ZEB1: variants seen among roughly 807,000 people sequenced by gnomAD.
The protein encoded by ZEB1 is zinc finger E-box binding homeobox 1, also known as zinc finger E-box-binding homeobox 1.
In ZEB1, 21 loss-of-function variants were observed where a neutral mutation model predicts 84.9. That is an observed-to-expected ratio of 0.25 (90% CI 0.18 to 0.36). The LOEUF (loss-of-function observed/expected upper bound fraction) is 0.36, where lower values mean the gene tolerates loss of function less well. Among genes scored for constraint, ZEB1 ranks in the 10% least tolerant of loss-of-function variants. ZEB1 has a pLI of 1.00. For synonymous variants in ZEB1, 420 were observed against 471.1 expected (o/e 0.89, Z 1.41); for missense variants, 1,104 against 1,330.2 (o/e 0.83, Z 2.65).
At chr10:31,396,634 T>C (rs1175359244) in intron 1 of ZEB1, among the ~76,000 whole-genome samples, 1 of 152,128 alleles carries the variant, frequency 6.6e-6, no homozygotes, top group East Asian at 1.9e-4. Flanking sequence ...AAAAGCTTCA[T>C]TAAGGAAGTT....
At chr10:31,362,469 C>T (rs2043424937) in intron 1 of ZEB1, among the ~76,000 whole-genome samples, 1 of 150,762 alleles carries the variant, frequency 6.6e-6, no homozygotes, top group East Asian at 2.0e-4. Flanking sequence ...AGGCGCTCCT[C>T]ACTTCCCAGA....
intron 1 of ZEB1, chr10:31,319,573 C>G: frequency 1.0e-5 from 4 of 399,782 alleles, no homozygotes; most frequent in East Asian, 4.4e-5. Context: ...GACCGTTAGC[C>G]GGCGCCGACG....
chr10:31,427,838 A>G (rs542563266), intron 1 of ZEB1, among the ~76,000 whole-genome samples: 3 of 151,472 alleles, frequency 2.0e-5, no homozygotes, highest in East Asian at 3.9e-4. Flanking sequence ...CAGCCTGGGC[A>G]ACTGAGCAAG....
At chr10:31,331,994 GTTTC>G (rs2036895863) in intron 1 of ZEB1, among the ~76,000 whole-genome samples, 1 of 152,184 alleles carries the variant, frequency 6.6e-6, no homozygotes, top group Admixed American at 6.5e-5. Context: ...ATAATATTAT[GTTTC>G]TTTATATACT....
At chr10:31,396,207 T>G (rs1482033075) in intron 1 of ZEB1, among the ~76,000 whole-genome samples, 3 of 152,240 alleles carry the variant, frequency 2.0e-5, no homozygotes, top group African/African-American at 7.2e-5. Flanking sequence ...AATTCATTTA[T>G]TTAATAATTA....
At chr10:31,473,379 A>G (rs2063565210) in intron 2 of ZEB1, among the ~76,000 whole-genome samples, 1 of 151,444 alleles carries the variant, frequency 6.6e-6, no homozygotes. Context: ...TACAAAATCA[A>G]TGTACAAAAA....
intron 3 of ZEB1, among the ~76,000 whole-genome samples, chr10:31,501,423 A>G (rs1375747052): frequency 1.3e-5 from 2 of 152,266 alleles, no homozygotes; most frequent in African/African-American, 4.8e-5. Context: ...TGAGGCAGAA[A>G]TAGAGAAAGA....
At chr10:31,320,073 T>C (rs1589888561) in intron 1 of ZEB1, 1 of 150,806 alleles carries the variant, frequency 6.6e-6, no homozygotes, top group East Asian at 2.0e-4. Flanking sequence ...CGCGGGTCCC[T>C]AAGCGCCCCT....
intron 1 of ZEB1, among the ~76,000 whole-genome samples, chr10:31,402,729 G>C (rs868500254): frequency 4.6e-5 from 7 of 151,940 alleles, no homozygotes; most frequent in Non-Finnish European, 1.0e-4. Context: ...AATGAAACAA[G>C]GATAAAGTGC....
At chr10:31,338,876 A>T (rs1159311104) in intron 1 of ZEB1, among the ~76,000 whole-genome samples, 7 of 152,168 alleles carry the variant, frequency 4.6e-5, no homozygotes, top group Non-Finnish European at 8.8e-5. Context: ...TTTGATATTT[A>T]TACATCATAA....
intron 2 of ZEB1, among the ~76,000 whole-genome samples, chr10:31,472,738 T>G (rs1289136513): frequency 2.2e-5 from 3 of 139,492 alleles, no homozygotes; most frequent in Admixed American, 7.0e-5. Context: ...TACCAAAGCC[T>G]GGCAGAGACA....
intron 1 of ZEB1, among the ~76,000 whole-genome samples, chr10:31,326,818 A>G (rs899503672): frequency 4.6e-5 from 7 of 152,206 alleles, no homozygotes; most frequent in African/African-American, 1.7e-4. Context: ...CAAATTTAGT[A>G]GTTGATGTAG....
chr10:31,394,507 A>T (rs2050339804), intron 1 of ZEB1, among the ~76,000 whole-genome samples: 1 of 152,242 alleles, frequency 6.6e-6, no homozygotes, highest in Admixed American at 6.5e-5. Flanking sequence ...CAATATCAGC[A>T]TCCTAAAAGT....
chr10:31,504,608 C>T (rs2068652829), intron 4 of ZEB1, among the ~76,000 whole-genome samples: 1 of 151,798 alleles, frequency 6.6e-6, no homozygotes, highest in Admixed American at 6.6e-5. Flanking sequence ...TTTCCATTTA[C>T]TTGTGTCTTC....
In ZEB1 at chr10:31,362,944, G is replaced by A. The variant is rs757190039; in HGVS notation, c.58+43652G>A. 15 of 1,533,434 alleles carry A rather than the reference G, an allele frequency of 9.8e-6. No homozygotes were observed. In the Admixed American group the frequency reaches 2.2e-4, roughly 22 times the overall value. The allele number at this position is 1,533,434 out of a possible 1,614,324, so 95.0% of individuals were successfully genotyped here. The stretch of plus-strand genomic sequence containing the variant: ...ATGCTGGAGGCGTCCTTCTCTTTGG[G>A]AAGCCTGACCCACCAACAGTGCCTC... On this transcript the variant is annotated intron_variant, in intron 1 of 8. Coordinates refer to ENST00000424869, the MANE Select transcript of ZEB1 (RefSeq NM_001174096.2).
intron 2 of ZEB1, among the ~76,000 whole-genome samples, chr10:31,487,070 A>T (rs1309839495): frequency 1.3e-5 from 2 of 151,320 alleles, no homozygotes; most frequent in African/African-American, 4.8e-5. Flanking sequence ...AATTGTCTAT[A>T]TTTATGTGGG....
chr10:31,435,384 T>C (rs1247394031), intron 1 of ZEB1, among the ~76,000 whole-genome samples: 1 of 152,260 alleles, frequency 6.6e-6, no homozygotes, highest in Non-Finnish European at 1.5e-5. Flanking sequence ...CTCTTAGGGA[T>C]ATGTCAGTTT....
intron 1 of ZEB1, among the ~76,000 whole-genome samples, chr10:31,378,324 C>T (rs181697928): frequency 6.6e-6 from 1 of 151,404 alleles, no homozygotes; most frequent in East Asian, 1.9e-4. Context: ...TACATACATA[C>T]TCATCAGAAG....
intron 1 of ZEB1, among the ~76,000 whole-genome samples, chr10:31,332,844 A>C (rs2037091924): frequency 6.6e-6 from 1 of 152,156 alleles, no homozygotes; most frequent in East Asian, 1.9e-4. Context: ...TACTTTGTAT[A>C]TTCAGGGACT....
Sources: gnomAD v4.1 joint callset for allele counts (sites outside exome capture counted in the v4.1 genomes callset) on GRCh38, gnomAD v4.1.1 for gene constraint, MANE v1.5 for transcripts, NCBI Gene and HGNC (gene_info 2026-07-23, HGNC 2026-07-21) for gene names.